Variants in SSX2IP observed in about 807,000 individuals in gnomAD.
SSX2IP encodes afadin- and alpha-actinin-binding protein.
SSX2IP carries 55 observed loss-of-function variants against 84.9 expected under a neutral mutation model. That is an observed-to-expected ratio of 0.65 (90% CI 0.52 to 0.81). The LOEUF (loss-of-function observed/expected upper bound fraction) is 0.81. SSX2IP is among the 30% of genes least tolerant of loss of function. The pLI is 0.00. For missense variants in SSX2IP, 664 were observed against 705.2 expected, an observed-to-expected ratio of 0.94 and a Z score of 0.66; for synonymous variants, 239 against 234.7, an observed-to-expected ratio of 1.02 and a Z score of -0.17.
chr1:84,653,812 C>A (rs548462722), intron 11 of SSX2IP, among the ~76,000 whole-genome samples: 143 of 152,028 alleles, frequency 9.4e-4, no homozygotes, highest in Admixed American at 2.5e-3. Context: ...GAAAACTGAC[C>A]ATGGATAAGA....
In SSX2IP at chr1:84,645,893, G is replaced by T. The variant is rs1649412464; in HGVS notation, c.*1540C>A. 1 of 152,040 alleles carries T rather than the reference G, an allele frequency of 6.6e-6. No individual in the cohort carries two copies. Among genetic ancestry groups the T allele is most frequent in the Admixed American group, 6.6e-5 (1 of 15,246 alleles). The allele number at this position is 152,040 out of a possible 1,614,324, so 9.4% of individuals were successfully genotyped here. On this transcript the variant is annotated 3_prime_UTR_variant, in exon 14 of 14. Coordinates refer to ENST00000342203, the MANE Select transcript of SSX2IP (RefSeq NM_001166293.2). ...GCTAGCTCTTTAAAACTATAAATAT[G>T]GTTACTATGAGTATATCCACTAATG...
chr1:84,670,856 A>T, intron 2 of SSX2IP, 41 bp from the exon 3 acceptor site: 1 of 1,503,246 alleles, frequency 6.7e-7, no homozygotes, highest in Non-Finnish European at 9.0e-7. Context: ...ATTTAGAAAA[A>T]CGTATGTAAA....
intron 1 of SSX2IP, among the ~76,000 whole-genome samples, chr1:84,687,232 G>A (rs1243546712): frequency 1.3e-5 from 2 of 152,198 alleles, no homozygotes; most frequent in African/African-American, 4.8e-5. Context: ...TGACTCAAGA[G>A]AATATGAGAA....
chr1:84,649,219 T>C (rs1017093697), intron 13 of SSX2IP, among the ~76,000 whole-genome samples: 11 of 152,326 alleles, frequency 7.2e-5, no homozygotes, highest in Non-Finnish European at 1.0e-4. Flanking sequence ...ACCTGAGTCA[T>C]AGGTACACGT....
chr1:84,649,222 G>A (rs920263486), intron 13 of SSX2IP, among the ~76,000 whole-genome samples: 2 of 152,124 alleles, frequency 1.3e-5, no homozygotes, highest in African/African-American at 2.4e-5. Context: ...TGAGTCATAG[G>A]TACACGTGGG....
At position 84,647,285 on chromosome 1, in the gene SSX2IP, A is replaced by G; in HGVS notation, c.*148T>C. The G allele has an allele frequency of 1.7e-6, 1 of 590,488 alleles. No individual in the cohort carries two copies. Among genetic ancestry groups the G allele is most frequent in the Non-Finnish European group, 2.8e-6 (1 of 361,536 alleles). 36.6% of individuals were successfully genotyped at this position (590,488 alleles called of 1,614,324 possible). On this transcript the variant is annotated 3_prime_UTR_variant, in exon 14 of 14. Coordinates refer to ENST00000342203, the MANE Select transcript of SSX2IP (RefSeq NM_001166293.2). Reference sequence around the variant, plus strand: ...TCCTTTTAAATAGATTTAAGATTTCAACTCTTTGGGGGAAGACAGGGAAGT... The same window carrying G: ...TCCTTTTAAATAGATTTAAGATTTCGACTCTTTGGGGGAAGACAGGGAAGT...
intron 3 of SSX2IP, 128 bp from the exon 4 acceptor site, chr1:84,670,021 T>A: frequency 1.6e-6 from 1 of 638,534 alleles, no homozygotes; most frequent in Non-Finnish European, 2.7e-6. Context: ...TGACCTCAGC[T>A]AATAACTACG....
Position 84,658,361 on chromosome 1 carries a change from C to T in SSX2IP, c.1035G>A (p.Gln345=). Residue 345 remains glutamine, a synonymous_variant, in exon 9 of 14, where the codon CAG becomes CAA. Transcript: ENST00000342203. ...REQLTNSIRK[Q]WRILKSHVEK... is the part of the protein sequence containing the mutation. ...CTACATGACTTTTCAAAATTCTCCACTGTTTTCTGATGCTGTTTGTAAGCT... is the reference window on the plus strand; with the variant it reads ...CTACATGACTTTTCAAAATTCTCCATTGTTTTCTGATGCTGTTTGTAAGCT... 6.2e-7 allele frequency: 1 copy of T among 1,614,148 alleles called. No homozygotes were observed. The highest frequency in any genetic ancestry group is 8.5e-7 in the Non-Finnish European group (1 of 1,180,032).
At chr1:84,655,597 A>G in intron 11 of SSX2IP, 1 of 1,468,124 alleles carries the variant, frequency 6.8e-7, no homozygotes, top group Non-Finnish European at 9.0e-7. Context: ...ATCTGAAAGC[A>G]GTAATAAATG....
intron 11 of SSX2IP, among the ~76,000 whole-genome samples, chr1:84,654,033 T>C (rs1441654756): frequency 6.6e-6 from 1 of 151,892 alleles, no homozygotes; most frequent in African/African-American, 2.4e-5. Flanking sequence ...ATCTCTAAGA[T>C]AAAGGTAAGA....
At chr1:84,683,294 C>T (rs1289197209) in intron 1 of SSX2IP, among the ~76,000 whole-genome samples, 6 of 151,926 alleles carry the variant, frequency 3.9e-5, no homozygotes, top group East Asian at 1.9e-4. Context: ...TTTTTCAAAC[C>T]GAACAAGTAT....
At chr1:84,658,629 A>C (rs184923846) in intron 8 of SSX2IP, among the ~76,000 whole-genome samples, 161 bp from the exon 9 acceptor site, 2 of 152,252 alleles carry the variant, frequency 1.3e-5, no homozygotes, top group East Asian at 3.9e-4. Flanking sequence ...TGTCTTGAGA[A>C]AAAAAATGAG....
chr1:84,677,448 CACA>C lies in SSX2IP; in HGVS notation c.-89-6143_-89-6141del, dbSNP rs1161342359. 1.3e-4 allele frequency among the ~76,000 whole-genome samples: 20 copies of C among 152,270 alleles called. No homozygotes were observed. The South Asian group carries it at 3.1e-3, about 24-fold the overall frequency. ...CCCAAAGACGAAGAGGTTCTCAATA[CACA>C]ACAATACCTTGTAGAACTTTAGGTA... On this transcript the variant is annotated intron_variant, in intron 1 of 13. Transcript: ENST00000342203.
intron 5 of SSX2IP, among the ~76,000 whole-genome samples, chr1:84,665,499 C>T (rs986975581): frequency 6.6e-6 from 1 of 152,056 alleles, no homozygotes; most frequent in Non-Finnish European, 1.5e-5. Context: ...AGGGGTCATA[C>T]TTTAGAGCAA....
chr1:84,681,502 C>T (rs548841948), intron 1 of SSX2IP, among the ~76,000 whole-genome samples: 16 of 152,282 alleles, frequency 1.1e-4, no homozygotes, highest in African/African-American at 3.1e-4. Context: ...TACAAAATGT[C>T]ACAAATGACA....
chr1:84,656,992 A>G (rs1379547059), intron 9 of SSX2IP, among the ~76,000 whole-genome samples: 2 of 152,230 alleles, frequency 1.3e-5, no homozygotes, highest in East Asian at 3.8e-4. Context: ...AATAAACAGC[A>G]TTGACTCAAA....
At chr1:84,670,571 T>C in intron 3 of SSX2IP, 75 bp downstream of exon 3, 2 of 1,090,052 alleles carry the variant, frequency 1.8e-6, no homozygotes, top group Non-Finnish European at 2.6e-6. Context: ...GTTTGACAAA[T>C]GTTTTTCTCA....
At chr1:84,679,114 A>C (rs1476694467) in intron 1 of SSX2IP, among the ~76,000 whole-genome samples, 1 of 152,072 alleles carries the variant, frequency 6.6e-6, no homozygotes, top group Non-Finnish European at 1.5e-5. Context: ...GTCACTTAAC[A>C]TTAGTCCTAT....
At chr1:84,685,421 T>C (rs557087121) in intron 1 of SSX2IP, among the ~76,000 whole-genome samples, 1 of 152,348 alleles carries the variant, frequency 6.6e-6, no homozygotes, top group South Asian at 2.1e-4. Context: ...GAGAAGCTGA[T>C]GATGAACTCA....
Sources: gnomAD v4.1 joint callset for allele counts (sites outside exome capture counted in the v4.1 genomes callset) on GRCh38, gnomAD v4.1.1 for gene constraint, MANE v1.5 for transcripts, NCBI Gene and HGNC (gene_info 2026-07-23, HGNC 2026-07-21) for gene names.